The following PDZD2 variants were observed in gnomAD, a reference collection of about 807,000 sequenced individuals.
PDZD2 encodes the protein PDZ domain containing 2.
A neutral mutation model predicts 220.7 loss-of-function variants in PDZD2; 90 were observed. That is an observed-to-expected ratio of 0.41 (90% CI 0.34 to 0.49). The LOEUF (loss-of-function observed/expected upper bound fraction) is 0.49, where lower values mean the gene tolerates loss of function less well. Ranked by LOEUF, PDZD2 falls within the 20% of genes least tolerant of loss-of-function variation. The pLI, the probability that PDZD2 is intolerant of heterozygous loss-of-function variation, is 0.28. For synonymous variants in PDZD2, 1,375 were observed against 1,450.5 expected, an observed-to-expected ratio of 0.95 and a Z score of 1.18; for missense variants, 3,174 against 3,608.5, an observed-to-expected ratio of 0.88 and a Z score of 3.08.
chr5:31,687,974 T>C (rs1210123505), intron 1 of PDZD2, among the ~76,000 whole-genome samples: 6 of 152,212 alleles, frequency 3.9e-5, no homozygotes, highest in Non-Finnish European at 2.9e-5. Flanking sequence ...ATAGCAATAT[T>C]TAACCTTGGA....
intron 1 of PDZD2, among the ~76,000 whole-genome samples, chr5:31,788,877 A>AT (rs1299785259): frequency 6.6e-6 from 1 of 152,086 alleles, no homozygotes; most frequent in African/African-American, 2.4e-5. Flanking sequence ...CATGCTCTGT[A>AT]TTTTTTGGCA....
rs187351335 is a variant in PDZD2 at position 31,983,060 on chromosome 5, G to A, written c.477-95G>A. On this transcript the variant is annotated intron_variant, in intron 2 of 24. Coordinates refer to ENST00000438447, the MANE Select transcript of PDZD2 (RefSeq NM_178140.4). ...AATACCTCAGTCCATCGGCCAACTG[G>A]TCGTCACTTGGGTGGACCCTTGAAC... is the stretch of plus-strand genomic sequence containing the variant. 9 of 1,317,446 alleles carry A rather than the reference G, an allele frequency of 6.8e-6. No individual in the cohort carries two copies. In the East Asian group the frequency reaches 1.6e-4, roughly 24 times the overall value. The allele number at this position is 1,317,446 out of a possible 1,614,324, so 81.6% of individuals were successfully genotyped here.
At chr5:31,828,274 C>T (rs6887586) in intron 2 of PDZD2, among the ~76,000 whole-genome samples, 123,314 of 152,054 alleles carry the variant, frequency 0.81, 51,203 homozygotes, top group African/African-American at 0.92. Context: ...CAAATTGTTT[C>T]TCAGGACTAT....
chr5:31,759,344 G>T (rs1197360495), intron 1 of PDZD2, among the ~76,000 whole-genome samples: 1 of 152,068 alleles, frequency 6.6e-6, no homozygotes, highest in Non-Finnish European at 1.5e-5. Flanking sequence ...TTCCTAGTAT[G>T]AAATTAAAAG....
chr5:31,915,480 C>T (rs376753442), intron 2 of PDZD2, among the ~76,000 whole-genome samples: 1 of 152,182 alleles, frequency 6.6e-6, no homozygotes, highest in Non-Finnish European at 1.5e-5. Flanking sequence ...TGCGTCCAGA[C>T]ATTTCAGCCT....
At chr5:31,667,055 T>C (rs1746017345) in intron 1 of PDZD2, among the ~76,000 whole-genome samples, 1 of 151,712 alleles carries the variant, frequency 6.6e-6, no homozygotes, top group Non-Finnish European at 1.5e-5. Flanking sequence ...GCTAACACGG[T>C]GAAACCCCGT....
At chr5:31,815,245 C>CAAAAAAAAAAAAAAA (rs59040987) in intron 2 of PDZD2, among the ~76,000 whole-genome samples, 18 of 57,934 alleles carry the variant, frequency 3.1e-4, no homozygotes, top group African/African-American at 1.2e-3. Flanking sequence ...AACTCTGTCT[C>CAAAAAAAAAAAAAAA]AAAAAAAAAA....
At chr5:32,082,035 T>TC (rs1742011166) in intron 19 of PDZD2, among the ~76,000 whole-genome samples, 1 of 135,628 alleles carries the variant, frequency 7.4e-6, no homozygotes, top group Non-Finnish European at 1.6e-5. Context: ...GTTTTTTTTT[T>TC]TTTTGAGACA....
At chr5:31,980,384 A>G (rs1365040485) in intron 2 of PDZD2, among the ~76,000 whole-genome samples, 2 of 152,208 alleles carry the variant, frequency 1.3e-5, no homozygotes, top group African/African-American at 4.8e-5. Context: ...TTTACTGACA[A>G]AGAATATTCC....
At position 32,087,365 on chromosome 5, in the gene PDZD2, G is replaced by A. The variant is rs544825168; in HGVS notation, c.3917G>A (p.Arg1306Gln). ...GCTCCCCCTGACTACAGCAAGACTC[G>A]ATCAGCATCGGAAACCAGCACACCC... ...AAAPPDYSKT[R>Q]SASETSTPHN... Residue 1306 changes from arginine (R) to glutamine (Q), a missense_variant, in exon 20 of 25, where the codon CGA becomes CAA. Arg to Gln is a conservative substitution (Grantham distance 43). Transcript: ENST00000438447. This position sits in a 1 kb window ranked among gnomAD's most constrained non-coding sequence, Gnocchi z 4.0. 24 of 1,614,012 alleles carry A rather than the reference G, an allele frequency of 1.5e-5. No homozygotes were observed. The Admixed American group carries it at 2.5e-4, about 17-fold the overall frequency.
At chr5:31,684,888 A>T (rs1746789727) in intron 1 of PDZD2, among the ~76,000 whole-genome samples, 1 of 151,842 alleles carries the variant, frequency 6.6e-6, no homozygotes, top group African/African-American at 2.4e-5. Flanking sequence ...CCTTTATCTC[A>T]TTGTCTTGCT....
In PDZD2 at chr5:32,066,198, T is replaced by G. The variant is rs1426971426; in HGVS notation, c.2452-3371T>G. Among the ~76,000 whole-genome samples, 3 of 150,086 alleles carry G rather than the reference T, an allele frequency of 2.0e-5. No homozygotes were observed. In the Middle Eastern group the frequency reaches 0.01, roughly 521 times the overall value. ...TCTCTACTAAAAATACAAAAAAAAT[T>G]GTCAGGTGTGGTGGTACATGCCTAT... On this transcript the variant is annotated intron_variant, in intron 14 of 24. Transcript: ENST00000438447.
intron 2 of PDZD2, among the ~76,000 whole-genome samples, chr5:31,841,735 G>A (rs542453142): frequency 3.6e-4 from 54 of 151,946 alleles, no homozygotes; most frequent in Admixed American, 3.2e-3. Flanking sequence ...CACTTTAGGA[G>A]GCTGAGGCAG....
chr5:32,014,748 A>T (rs1581278599), intron 6 of PDZD2, among the ~76,000 whole-genome samples: 1 of 105,174 alleles, frequency 9.5e-6, no homozygotes, highest in Non-Finnish European at 1.6e-5. Context: ...ATGGAGTTTC[A>T]CTCTGTCACC....
intron 2 of PDZD2, among the ~76,000 whole-genome samples, chr5:31,892,027 C>T (rs1299221691): frequency 5.3e-5 from 8 of 152,096 alleles, no homozygotes; most frequent in Non-Finnish European, 8.8e-5. Flanking sequence ...CCTTCTGCCT[C>T]AGCCTCCTGA....
At chr5:31,867,018 C>A (rs1021725266) in intron 2 of PDZD2, among the ~76,000 whole-genome samples, 1 of 152,126 alleles carries the variant, frequency 6.6e-6, no homozygotes, top group East Asian at 1.9e-4. Flanking sequence ...CAGTAAATGC[C>A]GTGGATGGTA....
chr5:31,876,697 A>G (rs909549381), intron 2 of PDZD2, among the ~76,000 whole-genome samples: 6 of 152,230 alleles, frequency 3.9e-5, no homozygotes, highest in Non-Finnish European at 7.3e-5. Flanking sequence ...CAGGTCTTCA[A>G]TACTATTTTG....
chr5:31,665,363 T>TCCC (rs1561371374), intron 1 of PDZD2, among the ~76,000 whole-genome samples: 1 of 152,150 alleles, frequency 6.6e-6, no homozygotes, highest in Non-Finnish European at 1.5e-5. Flanking sequence ...TGGAAAGCAT[T>TCCC]CCCCCAAGAA....
At chr5:32,076,288 G>GAAAAAAAAA (rs67898034) in intron 18 of PDZD2, among the ~76,000 whole-genome samples, 4 of 87,930 alleles carry the variant, frequency 4.5e-5, no homozygotes, top group Non-Finnish European at 4.5e-5. Context: ...TCGGTCTCAA[G>GAAAAAAAAA]AAAAAAAAAA....
Sources: allele counts gnomAD v4.1 joint callset (sites outside exome capture counted in the v4.1 genomes callset), GRCh38; gene constraint gnomAD v4.1.1; non-coding constraint Gnocchi (gnomAD v3.1); transcripts MANE v1.5; gene names NCBI Gene and HGNC (gene_info 2026-07-23, HGNC 2026-07-21).